The following CTNNA2 variants were observed in gnomAD, a reference collection of about 807,000 sequenced individuals.
The protein encoded by CTNNA2 is catenin alpha-2.
A neutral mutation model predicts 101.0 loss-of-function variants in CTNNA2; 42 were observed. The observed-to-expected ratio is 0.42, with a 90% CI of 0.32 to 0.54. The LOEUF is 0.54. Among genes scored for constraint, CTNNA2 ranks in the 20% least tolerant of loss-of-function variants. The pLI is 0.14. For synonymous variants in CTNNA2, 450 were observed against 456.4 expected, an observed-to-expected ratio of 0.99 and a Z score of 0.18; for missense variants, 871 against 1,223.1, an observed-to-expected ratio of 0.71 and a Z score of 4.29.
intron 7 of CTNNA2, among the ~76,000 whole-genome samples, chr2:80,285,696 C>T (rs1674706773): frequency 6.6e-6 from 1 of 152,134 alleles, no homozygotes; most frequent in African/African-American, 2.4e-5. Flanking sequence ...AATGTCCCTT[C>T]AGAGATGTTC....
chr2:79,378,264 G>A (rs1271177402), intron 4 of CTNNA2, among the ~76,000 whole-genome samples: 1 of 152,160 alleles, frequency 6.6e-6, no homozygotes, highest in Non-Finnish European at 1.5e-5. Flanking sequence ...GGGCAATGGT[G>A]TCTCTAGGAA....
intron 7 of CTNNA2, among the ~76,000 whole-genome samples, chr2:80,187,632 G>A (rs558590711): frequency 1.3e-5 from 2 of 152,258 alleles, no homozygotes; most frequent in South Asian, 4.2e-4. Flanking sequence ...AACTTTACAA[G>A]GCAAAGGGCA....
intron 7 of CTNNA2, among the ~76,000 whole-genome samples, chr2:80,217,215 G>A (rs543418667): frequency 6.6e-6 from 1 of 152,162 alleles, no homozygotes; most frequent in Non-Finnish European, 1.5e-5. Context: ...AACACTACAG[G>A]GTTGGTTGGC....
chr2:79,639,530 T>C (rs963755127), intron 1 of CTNNA2, among the ~76,000 whole-genome samples: 3 of 152,190 alleles, frequency 2.0e-5, no homozygotes, highest in African/African-American at 7.2e-5. Context: ...TAATTAAATT[T>C]GAGTTTCTAA....
Position 80,302,507 on chromosome 2 carries a change from GAGA to G in CTNNA2, c.1057-90700_1057-90698del. On this transcript the variant is annotated intron_variant, in intron 7 of 18. Transcript: ENST00000402739. The surrounding 1 kb of genome is among the most constrained non-coding windows in gnomAD (Gnocchi z 6.4). ...GAGCACCAGGACCACGATGAGGAAG[GAGA>G]AGATGAGGGCCATGGTGCCCGTGAC... 1 of 1,613,276 alleles carries G rather than the reference GAGA, an allele frequency of 6.2e-7. No individual in the cohort carries two copies. The highest frequency in any genetic ancestry group is 8.5e-7 in the Non-Finnish European group (1 of 1,180,036).
At chr2:79,707,704 A>G (rs974641592) in intron 2 of CTNNA2, among the ~76,000 whole-genome samples, 3 of 152,164 alleles carry the variant, frequency 2.0e-5, no homozygotes, top group South Asian at 2.1e-4. Flanking sequence ...TTGTCTACAC[A>G]TTACTTGTCT....
At position 80,490,280 on chromosome 2, in the gene CTNNA2, ACC is replaced by A. The variant is rs138977108; in HGVS notation, c.1291-54693_1291-54692del. ...GGCATTTTTTTTTCCTTCCCCCCCC[ACC>A]CCCCCCCCGGTAAAGCACCAGATAG... is the stretch of plus-strand genomic sequence containing the variant. On this transcript the variant is annotated intron_variant, in intron 9 of 18. Transcript: ENST00000402739. Among the ~76,000 whole-genome samples, 13 of 55,802 alleles carry A rather than the reference ACC, an allele frequency of 2.3e-4. 1 individual carries two copies. The highest frequency in any genetic ancestry group is 6.9e-4 in the Admixed American group (3 of 4,320). The allele number at this position is 55,802 out of a possible 152,430, so 36.6% of individuals were successfully genotyped here.
rs72822545 is a variant in CTNNA2, at chr2:79,697,125, A to G, written c.102+45467A>G. 8.8e-3 allele frequency among the ~76,000 whole-genome samples: 1,346 copies of G among 152,166 alleles called. 9 individuals are homozygous for G. The highest frequency in any genetic ancestry group is 0.017 in the Middle Eastern group (5 of 294). On this transcript the variant is annotated intron_variant, in intron 2 of 18. Transcript: ENST00000402739. Reference sequence around the variant, plus strand: ...CATATTTAGAACAGAGGGCATATCAATATGAGTCTTAACAATTTAAATAGA... The same window carrying G: ...CATATTTAGAACAGAGGGCATATCAGTATGAGTCTTAACAATTTAAATAGA...
chr2:80,192,735 G>A (rs976177777), intron 7 of CTNNA2, among the ~76,000 whole-genome samples: 1 of 152,076 alleles, frequency 6.6e-6, no homozygotes, highest in Non-Finnish European at 1.5e-5. Flanking sequence ...GGCTGGTCTC[G>A]AACTCCTGAA....
At chr2:80,064,206 T>C (rs956283159) in intron 7 of CTNNA2, among the ~76,000 whole-genome samples, 1 of 152,246 alleles carries the variant, frequency 6.6e-6, no homozygotes, top group Non-Finnish European at 1.5e-5. Context: ...ATGTGAGGGC[T>C]GGGTTATCCA....
intron 4 of CTNNA2, among the ~76,000 whole-genome samples, chr2:79,414,629 C>T (rs564204984): frequency 6.6e-6 from 1 of 152,096 alleles, no homozygotes; most frequent in South Asian, 2.1e-4. Flanking sequence ...AACGTTTTTG[C>T]CAATTAAATA....
At chr2:79,942,023 G>T (rs953526321) in intron 7 of CTNNA2, among the ~76,000 whole-genome samples, 1 of 152,268 alleles carries the variant, frequency 6.6e-6, no homozygotes, top group East Asian at 1.9e-4. Context: ...ACATCATGTT[G>T]GCATAAGGTC....
intron 4 of CTNNA2, among the ~76,000 whole-genome samples, chr2:79,377,077 G>A (rs1413004542): frequency 2.0e-5 from 3 of 151,354 alleles, no homozygotes; most frequent in South Asian, 2.1e-4. Flanking sequence ...TTCCACAATG[G>A]TTGAACTAGT....
chr2:80,231,987 C>T (rs1709241469), intron 7 of CTNNA2, among the ~76,000 whole-genome samples: 1 of 152,140 alleles, frequency 6.6e-6, no homozygotes. Context: ...CTCCACAACC[C>T]CTTATCTTAA....
chr2:79,490,279 A>G (rs1671196020), intron 4 of CTNNA2, among the ~76,000 whole-genome samples: 1 of 152,110 alleles, frequency 6.6e-6, no homozygotes, highest in Non-Finnish European at 1.5e-5. Flanking sequence ...TGTGCCTTCA[A>G]ATACCGGTCT....
intron 2 of CTNNA2, among the ~76,000 whole-genome samples, chr2:79,215,467 T>C (rs991776801): frequency 6.6e-6 from 1 of 152,216 alleles, no homozygotes; most frequent in Non-Finnish European, 1.5e-5. Context: ...TGAGGTTAAT[T>C]AAGTCCTGTT....
chr2:80,023,587 T>C (rs1426165002), intron 7 of CTNNA2, among the ~76,000 whole-genome samples: 1 of 152,210 alleles, frequency 6.6e-6, no homozygotes, highest in African/African-American at 2.4e-5. Flanking sequence ...AATTTGTTTT[T>C]GCATGTAAAA....
chr2:79,907,674 C>T (rs1267626027), intron 6 of CTNNA2, among the ~76,000 whole-genome samples: 1 of 152,186 alleles, frequency 6.6e-6, no homozygotes, highest in South Asian at 2.1e-4. Flanking sequence ...GTAAACATCC[C>T]TTTTTCATCC....
At chr2:79,256,831 T>C (rs1047982437) in intron 2 of CTNNA2, among the ~76,000 whole-genome samples, 4 of 152,170 alleles carry the variant, frequency 2.6e-5, no homozygotes, top group African/African-American at 9.7e-5. Context: ...ATAATAATAG[T>C]TAATTGTTTG....
Sources: gnomAD v4.1 joint callset for allele counts (sites outside exome capture counted in the v4.1 genomes callset) on GRCh38, gnomAD v4.1.1 for gene constraint, Gnocchi (gnomAD v3.1) non-coding constraint, MANE v1.5 for transcripts, NCBI Gene and HGNC (gene_info 2026-07-23, HGNC 2026-07-21) for gene names.